The following VPS35L variants were observed in gnomAD, a reference collection of about 807,000 sequenced individuals.
VPS35L encodes VPS35 endosomal protein sorting factor like.
Under a neutral mutation model 133.0 loss-of-function variants are expected in VPS35L, and 83 were observed. The ratio of observed to expected loss-of-function variants is 0.62; its 90% CI spans 0.52 to 0.75. The LOEUF (loss-of-function observed/expected upper bound fraction) is 0.75. Ranked by LOEUF, VPS35L falls within the 30% of genes least tolerant of loss-of-function variation. VPS35L has a pLI of 0.00. For synonymous variants in VPS35L, 423 were observed against 449.9 expected, an observed-to-expected ratio of 0.94 and a Z score of 0.76; for missense variants, 1,083 against 1,206.8, an observed-to-expected ratio of 0.90 and a Z score of 1.52.
intron 28 of VPS35L, among the ~76,000 whole-genome samples, chr16:19,690,959 C>G (rs1286336878): frequency 7.3e-6 from 1 of 137,040 alleles, no homozygotes; most frequent in Admixed American, 7.2e-5. Context: ...GAGACTCCGT[C>G]TCAAAAAAAA....
chr16:19,559,771 C>A (rs1479323181), intron 1 of VPS35L, among the ~76,000 whole-genome samples: 1 of 152,054 alleles, frequency 6.6e-6, no homozygotes, highest in Non-Finnish European at 1.5e-5. Flanking sequence ...ACTGCAACCT[C>A]CACCTCCCGG....
intron 14 of VPS35L, among the ~76,000 whole-genome samples, chr16:19,618,490 C>T (rs555333716): frequency 2.0e-5 from 3 of 152,238 alleles, no homozygotes; most frequent in African/African-American, 7.2e-5. Context: ...TCTGTACATA[C>T]TGACGTAAGG....
chr16:19,577,509 C>G (rs1205044973), intron 5 of VPS35L, among the ~76,000 whole-genome samples: 1 of 152,152 alleles, frequency 6.6e-6, no homozygotes, highest in Non-Finnish European at 1.5e-5. Context: ...GAATATAGAG[C>G]AATAGGAGCT....
chr16:19,602,175 T>A (rs560109320), intron 9 of VPS35L, among the ~76,000 whole-genome samples: 4 of 152,304 alleles, frequency 2.6e-5, no homozygotes, highest in Admixed American at 2.6e-4. Context: ...AAATTGACTG[T>A]CAATCAAGTT....
intron 7 of VPS35L, among the ~76,000 whole-genome samples, chr16:19,583,047 G>T (rs1971757319): frequency 6.6e-6 from 1 of 152,038 alleles, no homozygotes; most frequent in South Asian, 2.1e-4. Context: ...ATACGGTAAA[G>T]TTTTTTTGTG....
intron 29 of VPS35L, among the ~76,000 whole-genome samples, chr16:19,695,627 A>T (rs1975879664): frequency 6.6e-6 from 1 of 152,006 alleles, no homozygotes; most frequent in Non-Finnish European, 1.5e-5. Flanking sequence ...CAGCCTGGGG[A>T]ACATAGTAAA....
At chr16:19,665,338 C>T (rs181807753) in intron 26 of VPS35L, among the ~76,000 whole-genome samples, 5 of 152,302 alleles carry the variant, frequency 3.3e-5, no homozygotes, top group Admixed American at 3.3e-4. Context: ...CACCATTACC[C>T]TTCCCAGCCT....
intron 24 of VPS35L, among the ~76,000 whole-genome samples, chr16:19,649,760 T>G (rs1011373920): frequency 8.5e-5 from 13 of 152,224 alleles, no homozygotes; most frequent in African/African-American, 3.1e-4. Flanking sequence ...AGAATAACTT[T>G]CATATGTATT....
intron 15 of VPS35L, 42 bp downstream of exon 15, chr16:19,626,265 C>T (rs8056302): frequency 0.069 from 101,389 of 1,462,150 alleles, 5,154 homozygotes; most frequent in East Asian, 0.26. Flanking sequence ...TTGAAAATGG[C>T]GTTGGCTGCT....
intron 19 of VPS35L, among the ~76,000 whole-genome samples, chr16:19,634,904 A>C (rs1402193604): frequency 6.6e-6 from 1 of 152,228 alleles, no homozygotes; most frequent in Non-Finnish European, 1.5e-5. Context: ...TCATCTCACC[A>C]ATGAGGAGCA....
chr16:19,664,776 T>G (rs1302199236), intron 26 of VPS35L, among the ~76,000 whole-genome samples: 2 of 151,928 alleles, frequency 1.3e-5, no homozygotes, highest in Non-Finnish European at 2.9e-5. Context: ...GGCATGTGCC[T>G]GTAGTCTTAG....
intron 26 of VPS35L, among the ~76,000 whole-genome samples, chr16:19,654,547 A>G (rs1223520199): frequency 6.9e-6 from 1 of 144,794 alleles, no homozygotes; most frequent in Non-Finnish European, 1.5e-5. Context: ...GACTGTCTTG[A>G]AAAAAAAAAA....
chr16:19,578,346 C>T lies in VPS35L; in HGVS notation c.434-706C>T, dbSNP rs191401449. The stretch of plus-strand genomic sequence containing the variant: ...CCGAGATCGCGCCACCGCACTCCAG[C>T]GTGGACGACAGAGTAAGACCCCATC... On this transcript the variant is annotated intron_variant, in intron 5 of 30. Transcript: ENST00000417362. The T allele has an allele frequency of 2.8e-3, 1,223 of 437,804 alleles. 7 individuals carry two copies. The highest frequency in any genetic ancestry group is 9.6e-3 in the Middle Eastern group (13 of 1,358). 27.1% of individuals were successfully genotyped at this position (437,804 alleles called of 1,614,324 possible). A position where few individuals can be genotyped will look rare whatever the true frequency, so the allele number is the denominator to read the frequency against.
intron 24 of VPS35L, among the ~76,000 whole-genome samples, chr16:19,649,446 G>A (rs1974057381): frequency 6.6e-6 from 1 of 152,148 alleles, no homozygotes; most frequent in South Asian, 2.1e-4. Flanking sequence ...GATTAAACTT[G>A]CTTTTGATCA....
intron 8 of VPS35L, among the ~76,000 whole-genome samples, chr16:19,599,952 G>C (rs893650117): frequency 1.3e-5 from 2 of 152,164 alleles, no homozygotes; most frequent in African/African-American, 2.4e-5. Context: ...GAGGTGGAAG[G>C]ATTGCTTGAA....
intron 27 of VPS35L, among the ~76,000 whole-genome samples, chr16:19,680,726 A>T (rs547610030): frequency 6.6e-6 from 1 of 152,274 alleles, no homozygotes; most frequent in South Asian, 2.1e-4. Flanking sequence ...AGCCTGGGCA[A>T]CATGGCAAGA....
At chr16:19,591,917 C>A in intron 8 of VPS35L, 43 bp downstream of exon 8, 2 of 1,454,102 alleles carry the variant, frequency 1.4e-6, no homozygotes, top group South Asian at 2.3e-5. Flanking sequence ...GAAATGTGTT[C>A]GTTTTGTCAA....
intron 8 of VPS35L, among the ~76,000 whole-genome samples, chr16:19,601,073 C>T (rs899884661): frequency 7.9e-5 from 12 of 151,920 alleles, no homozygotes; most frequent in African/African-American, 1.5e-4. Flanking sequence ...AAACTACAGG[C>T]GTGCACTGCC....
At chr16:19,680,763 C>T (rs766243626) in intron 27 of VPS35L, among the ~76,000 whole-genome samples, 1 of 152,018 alleles carries the variant, frequency 6.6e-6, no homozygotes, top group African/African-American at 2.4e-5. Context: ...AATAGAAATT[C>T]GCCAAGCGTG....
Sources: gnomAD v4.1 joint callset for allele counts (sites outside exome capture counted in the v4.1 genomes callset) on GRCh38, gnomAD v4.1.1 for gene constraint, MANE v1.5 for transcripts, NCBI Gene and HGNC (gene_info 2026-07-23, HGNC 2026-07-21) for gene names.